SLC12A1: variants seen among roughly 807,000 people sequenced by gnomAD.
SLC12A1 encodes the protein Na-K-2Cl cotransporter.
SLC12A1 carries 89 observed loss-of-function variants against 130.4 expected under a neutral mutation model. That is an observed-to-expected ratio of 0.68 (90% confidence interval 0.58 to 0.81). SLC12A1 has a LOEUF of 0.81. SLC12A1 is among the 40% of genes least tolerant of loss of function. The probability of loss-of-function intolerance (pLI) is 0.00; values close to 1 mark genes in which losing one functional copy is unlikely to be tolerated. For synonymous variants in SLC12A1, 499 were observed against 460.0 expected, an observed-to-expected ratio of 1.08 and a Z score of -1.09; for missense variants, 1,310 against 1,336.4, an observed-to-expected ratio of 0.98 and a Z score of 0.31.
intron 22 of SLC12A1, 39 bp from the exon 23 acceptor site, chr15:48,288,366 A>G (rs750664688): frequency 8.6e-7 from 1 of 1,160,290 alleles, no homozygotes; most frequent in Non-Finnish European, 1.2e-6. Context: ...CCTTCCATTT[A>G]GATATACTCA....
intron 4 of SLC12A1, chr15:48,221,307 A>T: frequency 1.4e-6 from 1 of 701,608 alleles, no homozygotes; most frequent in East Asian, 2.7e-5. Context: ...GTATTGGGGG[A>T]CATATTGACA....
At chr15:48,279,925 T>G (rs1193916688) in intron 20 of SLC12A1, among the ~76,000 whole-genome samples, 5 of 152,174 alleles carry the variant, frequency 3.3e-5, no homozygotes, top group African/African-American at 4.8e-5. Flanking sequence ...CAACTAGACT[T>G]CACCTGGGGT....
At chr15:48,255,681 T>C in intron 15 of SLC12A1, 130 bp from the exon 16 acceptor site, 1 of 626,228 alleles carries the variant, frequency 1.6e-6, no homozygotes, top group Non-Finnish European at 2.8e-6. Context: ...CTATATTTTC[T>C]CTAATTTGGG....
chr15:48,239,261 C>A (rs2041473583), intron 9 of SLC12A1, among the ~76,000 whole-genome samples: 1 of 152,080 alleles, frequency 6.6e-6, no homozygotes, highest in Admixed American at 6.5e-5. Flanking sequence ...CTTATAATCG[C>A]AGCACTTTGG....
At chr15:48,248,466 T>C (rs2041608981) in intron 13 of SLC12A1, among the ~76,000 whole-genome samples, 1 of 152,242 alleles carries the variant, frequency 6.6e-6, no homozygotes, top group Non-Finnish European at 1.5e-5. Context: ...CATTAGATAA[T>C]ATCCTTTAAA....
At chr15:48,212,136 G>A (rs1178086825) in intron 2 of SLC12A1, among the ~76,000 whole-genome samples, 1 of 152,044 alleles carries the variant, frequency 6.6e-6, no homozygotes, top group Admixed American at 6.6e-5. Context: ...AATGATCGAT[G>A]ATGATAGTGG....
At chr15:48,216,805 A>C (rs1039780339) in intron 2 of SLC12A1, among the ~76,000 whole-genome samples, 1 of 152,238 alleles carries the variant, frequency 6.6e-6, no homozygotes, top group Non-Finnish European at 1.5e-5. Flanking sequence ...AAAAAATGAA[A>C]GTTACATTTG....
chr15:48,210,667 C>T (rs2041041288), intron 2 of SLC12A1, among the ~76,000 whole-genome samples: 1 of 143,328 alleles, frequency 7.0e-6, no homozygotes. Flanking sequence ...CCAGCCATGA[C>T]CAACTGGTGA....
chr15:48,240,024 TATATCC>T (rs2041486876), intron 9 of SLC12A1, among the ~76,000 whole-genome samples: 1 of 42,196 alleles, frequency 2.4e-5, no homozygotes, highest in African/African-American at 7.2e-5. Flanking sequence ...TATATATATA[TATATCC>T]ATATATATAT....
At chr15:48,269,430 A>C (rs1284296307) in intron 18 of SLC12A1, among the ~76,000 whole-genome samples, 3 of 152,240 alleles carry the variant, frequency 2.0e-5, no homozygotes, top group African/African-American at 7.2e-5. Context: ...CTAATTTAGA[A>C]AAGCTACATT....
At chr15:48,249,746 C>A in intron 14 of SLC12A1, 70 bp downstream of exon 14, 2 of 1,115,972 alleles carry the variant, frequency 1.8e-6, no homozygotes, top group Middle Eastern at 2.0e-4. Context: ...CGAAATAAAT[C>A]AGTGAAAAGT....
chr15:48,301,351 G>C lies in SLC12A1; in HGVS notation c.3133G>C (p.Glu1045Gln). ...AGTTCGACTGAATGAACTCTTACAG[G>C]AGCACTCCAGAGCTGCTAATCTCAT... The part of the protein sequence containing the change: ...RQVRLNELLQ[E>Q]HSRAANLIVL... Residue 1045 changes from glutamate to glutamine, a missense_variant, in exon 26 of 27, where the codon GAG becomes CAG. Transcript: ENST00000380993. 1 of 1,597,602 alleles carries C rather than the reference G, an allele frequency of 6.3e-7. No individual in the cohort carries two copies. Among genetic ancestry groups the C allele is most frequent in the Non-Finnish European group, 8.5e-7 (1 of 1,171,520 alleles).
chr15:48,209,857 C>T (rs2141002525), intron 2 of SLC12A1, among the ~76,000 whole-genome samples: 1 of 152,290 alleles, frequency 6.6e-6, no homozygotes, highest in African/African-American at 2.4e-5. Context: ...CCTTTCCCCA[C>T]CAAAACTTGC....
rs550686114 is a variant in SLC12A1 at position 48,254,592 on chromosome 15, T to TAAAAAAAAAAAAAAAAAAAAA, written c.1943-1201_1943-1181dup. On this transcript the variant is annotated intron_variant, in intron 15 of 26. Coordinates refer to ENST00000380993, the MANE Select transcript of SLC12A1 (RefSeq NM_000338.3). ...AAGATCCATTTAATACTTAAATTCG[T>TAAAAAAAAAAAAAAAAAAAAA]AAAAAAAAAAAAAAAAAAAAAAAAA... Among the ~76,000 whole-genome samples the TAAAAAAAAAAAAAAAAAAAAA allele has an allele frequency of 1.1e-4, 6 of 52,890 alleles. 1 individual carries two copies. The highest frequency in any genetic ancestry group is 2.6e-4 in the Non-Finnish European group (6 of 23,404). The allele number at this position is 52,890 out of a possible 152,430, so 34.7% of individuals were successfully genotyped here. A position where few individuals can be genotyped will look rare whatever the true frequency, so the allele number is the denominator to read the frequency against.
rs971436217 is a variant in SLC12A1, at chr15:48,267,660, G to C, written c.2254G>C (p.Ala752Pro). ...AATCAAGGCTTTTTATGCTGCAGTG[G>C]CGGCAGACTGTTTCAGGGATGGTGT... is the stretch of plus-strand genomic sequence containing the variant. Reference protein sequence around the residue: ...NKIKAFYAAVAADCFRDGVRS... With the variant: ...NKIKAFYAAVPADCFRDGVRS... The change falls in exon 18 of 27, where the codon GCG becomes CCG. Residue 752 changes from alanine to proline, a missense_variant. Physicochemically the swap from Ala to Pro is conservative, Grantham distance 27. Coordinates refer to ENST00000380993, the MANE Select transcript of SLC12A1 (RefSeq NM_000338.3). 6 of 1,613,576 alleles carry C rather than the reference G, an allele frequency of 3.7e-6. No homozygotes were observed. The highest frequency in any genetic ancestry group is 5.1e-6 in the Non-Finnish European group (6 of 1,179,592).
intron 11 of SLC12A1, among the ~76,000 whole-genome samples, chr15:48,246,549 G>T (rs141473967): frequency 6.6e-6 from 1 of 152,178 alleles, no homozygotes; most frequent in Non-Finnish European, 1.5e-5. Flanking sequence ...GAGAGGCTGA[G>T]GTGGGCGGAT....
chr15:48,268,520 G>T (rs954320323), intron 18 of SLC12A1, among the ~76,000 whole-genome samples: 3 of 152,144 alleles, frequency 2.0e-5, no homozygotes, highest in Non-Finnish European at 2.9e-5. Flanking sequence ...ACTCAGATGC[G>T]CATGCAGGCA....
At position 48,208,146 on chromosome 15, in the gene SLC12A1, T is replaced by C; in HGVS notation, c.420+7T>C. ...TCACGAGCAACTCGCAAAGGTAAGC[T>C]TGAAGGACACAAGCAAGTCTCCTCC... On this transcript the variant is annotated splice_region_variant and intron_variant, in intron 2 of 26. Transcript: ENST00000380993. 4.5e-6 allele frequency: 7 copies of C among 1,564,032 alleles called. No homozygotes were observed. Among genetic ancestry groups the C allele is most frequent in the Non-Finnish European group, 5.2e-6 (6 of 1,156,156 alleles).
At chr15:48,236,770 A>G (rs1478732689) in intron 9 of SLC12A1, among the ~76,000 whole-genome samples, 1 of 152,222 alleles carries the variant, frequency 6.6e-6, no homozygotes, top group Non-Finnish European at 1.5e-5. Flanking sequence ...AAATAGTATC[A>G]CTGCTGAATG....
Sources: allele counts gnomAD v4.1 joint callset (sites outside exome capture counted in the v4.1 genomes callset), GRCh38; gene constraint gnomAD v4.1.1; transcripts MANE v1.5; gene names NCBI Gene and HGNC (gene_info 2026-07-23, HGNC 2026-07-21).